The following KIFC3 variants were observed in gnomAD, a reference collection of about 807,000 sequenced individuals.
The protein encoded by KIFC3 is kinesin family member C3.
KIFC3 carries 60 observed loss-of-function variants against 101.8 expected under a neutral mutation model. The observed-to-expected ratio is 0.59, with a 90% CI of 0.48 to 0.73. KIFC3 has a LOEUF of 0.73. KIFC3 is among the 30% of genes least tolerant of loss of function. KIFC3 has a pLI of 0.00. For missense variants in KIFC3, 966 were observed against 1,137.1 expected, an observed-to-expected ratio of 0.85 and a Z score of 2.16; for synonymous variants, 476 against 482.7, an observed-to-expected ratio of 0.99 and a Z score of 0.18.
intron 17 of KIFC3, 23 bp from the exon 18 acceptor site, chr16:57,759,859 G>A (rs782237514): frequency 6.3e-7 from 1 of 1,576,552 alleles, no homozygotes; most frequent in Non-Finnish European, 8.6e-7. Context: ...AAGGGCGGAT[G>A]GGCGGGGGCC....
intron 11 of KIFC3, among the ~76,000 whole-genome samples, chr16:57,764,903 T>G (rs1380649058): frequency 7.7e-4 from 11 of 14,234 alleles, no homozygotes; most frequent in South Asian, 1.8e-3. Flanking sequence ...GGGAGGGGCC[T>G]GAGGGTGGGT....
At chr16:57,765,765 T>A in intron 10 of KIFC3, 125 bp from the exon 11 acceptor site, 1 of 811,702 alleles carries the variant, frequency 1.2e-6, no homozygotes, top group Non-Finnish European at 1.9e-6. Flanking sequence ...CACAGCCCCC[T>A]AGGGGAAGGG....
At chr16:57,759,363 G>T in intron 18 of KIFC3, 1 of 626,890 alleles carries the variant, frequency 1.6e-6, no homozygotes, top group South Asian at 2.0e-5. Flanking sequence ...TTCTACCCCC[G>T]GGGCAGCTGA....
chr16:57,858,811 G>A (rs189915022), intron 1 of KIFC3, among the ~76,000 whole-genome samples: 281 of 152,250 alleles, frequency 1.8e-3, no homozygotes, highest in Non-Finnish European at 3.0e-3. Flanking sequence ...TTAGCTGAGC[G>A]TGGTGGCACG....
At chr16:57,797,809 A>AT (rs2054459697) in intron 2 of KIFC3, 1 of 1,380,320 alleles carries the variant, frequency 7.2e-7, no homozygotes, top group African/African-American at 1.5e-5. Flanking sequence ...AATGCAGCTG[A>AT]TTCCCCCTGC....
chr16:57,827,869 C>T (rs1339655405), intron 1 of KIFC3, among the ~76,000 whole-genome samples: 1 of 152,240 alleles, frequency 6.6e-6, no homozygotes, highest in Non-Finnish European at 1.5e-5. Flanking sequence ...AAAAATACCT[C>T]ATTTTGTACT....
chr16:57,796,288 G>A (rs1225488908), intron 2 of KIFC3, among the ~76,000 whole-genome samples: 1 of 152,154 alleles, frequency 6.6e-6, no homozygotes, highest in African/African-American at 2.4e-5. Context: ...AATACACGTG[G>A]TGCCCATGTA....
intron 1 of KIFC3, chr16:57,817,080 C>T (rs1207493552): frequency 7.1e-6 from 2 of 282,056 alleles, no homozygotes; most frequent in Non-Finnish European, 1.4e-5. Flanking sequence ...TTCTCTCGGC[C>T]AGGCGTGGTG....
chr16:57,766,834 C>T, intron 10 of KIFC3, 40 bp downstream of exon 10: 2 of 1,482,254 alleles, frequency 1.3e-6, no homozygotes, highest in Admixed American at 1.7e-5. Context: ...AGGTCGAGGA[C>T]CCCGAGGCCA....
chr16:57,778,185 C>G (rs1400897666), intron 3 of KIFC3, among the ~76,000 whole-genome samples: 1 of 152,104 alleles, frequency 6.6e-6, no homozygotes, highest in African/African-American at 2.4e-5. Flanking sequence ...GAGGCTGAGG[C>G]GGGCAGATCA....
At chr16:57,817,818 A>G (rs2055264259) in intron 1 of KIFC3, among the ~76,000 whole-genome samples, 1 of 152,162 alleles carries the variant, frequency 6.6e-6, no homozygotes, top group Admixed American at 6.5e-5. Context: ...TAAGACTGAT[A>G]TTGCTTTTAT....
rs1277804982 is a variant in KIFC3, at chr16:57,764,792, G to A, written c.1513-545C>T. 3.3e-5 allele frequency among the ~76,000 whole-genome samples: 5 copies of A among 151,752 alleles called. No individual in the cohort carries two copies. The East Asian group carries it at 7.8e-4, about 24-fold the overall frequency. ...TTCCCGGATGGGGAAGATGGGCAGG[G>A]TCATGAAGATGGATGGGGCCATGTG... On this transcript the variant is annotated intron_variant, in intron 11 of 19. Transcript: ENST00000445690.
At chr16:57,770,972 G>A (rs993225965) in intron 6 of KIFC3, among the ~76,000 whole-genome samples, 23 of 152,328 alleles carry the variant, frequency 1.5e-4, no homozygotes, top group Middle Eastern at 3.4e-3. Context: ...CAGAATCCAG[G>A]GGCTGCGCTG....
intron 13 of KIFC3, 31 bp from the exon 14 acceptor site, chr16:57,761,567 C>T (rs1555597747): frequency 1.9e-6 from 3 of 1,604,550 alleles, no homozygotes; most frequent in East Asian, 2.2e-5. Context: ...GTCACCCCCT[C>T]CTCCCATTTC....
chr16:57,806,391 T>C (rs2054937035), upstream of KIFC3, among the ~76,000 whole-genome samples: 1 of 152,096 alleles, frequency 6.6e-6, no homozygotes, highest in South Asian at 2.1e-4. Context: ...AGAGGTCACC[T>C]TCTTTGACCC....
intron 1 of KIFC3, among the ~76,000 whole-genome samples, chr16:57,821,078 C>T (rs1488848464): frequency 6.6e-6 from 1 of 150,714 alleles, no homozygotes; most frequent in African/African-American, 2.5e-5. Flanking sequence ...CCGCAGTGAG[C>T]GAAGATTACA....
Position 57,797,601 on chromosome 16 carries a change from A to G in KIFC3, c.172+471T>C, listed in dbSNP as rs1316012519. The G allele has an allele frequency of 6.6e-6, 5 of 753,742 alleles. No individual in the cohort carries two copies. In the African/African-American group the frequency reaches 7.7e-5, roughly 12 times the overall value. The allele number at this position is 753,742 out of a possible 1,614,324, so 46.7% of individuals were successfully genotyped here. Reference sequence around the variant, plus strand: ...CATGGACCCCAAGCCCCGCCAGGCCACGTTCCCGAGCAGCCTCGGTCCACT... The same window carrying G: ...CATGGACCCCAAGCCCCGCCAGGCCGCGTTCCCGAGCAGCCTCGGTCCACT... On this transcript the variant is annotated intron_variant, in intron 2 of 19. Transcript: ENST00000445690.
chr16:57,807,929 T>TTAAAAAAA (rs1292490841), upstream of KIFC3: 1 of 81,562 alleles, frequency 1.2e-5, no homozygotes, highest in Non-Finnish European at 2.3e-5. Flanking sequence ...GATCCTGTCT[T>TTAAAAAAA]AAAAAAAAAA....
At chr16:57,763,114 C>T (rs2050059003) in intron 12 of KIFC3, among the ~76,000 whole-genome samples, 1 of 152,066 alleles carries the variant, frequency 6.6e-6, no homozygotes, top group African/African-American at 2.4e-5. Context: ...TTTGTGTAGA[C>T]CCTGCTGTCT....
Sources: allele counts gnomAD v4.1 joint callset (sites outside exome capture counted in the v4.1 genomes callset), GRCh38; gene constraint gnomAD v4.1.1; transcripts MANE v1.5; gene names NCBI Gene and HGNC (gene_info 2026-07-23, HGNC 2026-07-21).